The following ZCCHC7 variants were observed in gnomAD, a reference collection of about 807,000 sequenced individuals.
ZCCHC7 encodes zinc finger CCHC domain-containing protein 7.
ZCCHC7 carries 35 observed loss-of-function variants against 52.0 expected under a neutral mutation model. The ratio of observed to expected loss-of-function variants is 0.67; its 90% CI spans 0.51 to 0.89. The LOEUF is 0.89. Among genes scored for constraint, ZCCHC7 ranks in the 40% least tolerant of loss-of-function variants. The pLI is 0.00. For missense variants in ZCCHC7, 574 were observed against 649.1 expected (o/e 0.88, Z 1.26); for synonymous variants, 217 against 221.5 (o/e 0.98, Z 0.18).
At chr9:37,229,637 T>A (rs897213444) in intron 2 of ZCCHC7, among the ~76,000 whole-genome samples, 2 of 152,228 alleles carry the variant, frequency 1.3e-5, no homozygotes, top group Non-Finnish European at 2.9e-5. Flanking sequence ...ATGGAGCTTT[T>A]AGAACCAGAA....
intron 2 of ZCCHC7, among the ~76,000 whole-genome samples, chr9:37,183,318 A>G (rs1428795556): frequency 6.6e-6 from 1 of 152,220 alleles, no homozygotes; most frequent in Non-Finnish European, 1.5e-5. Context: ...ATAAAATATT[A>G]GTTCACCTTT....
At chr9:37,184,821 G>T (rs1275775669) in intron 2 of ZCCHC7, among the ~76,000 whole-genome samples, 10 of 151,904 alleles carry the variant, frequency 6.6e-5, no homozygotes, top group Non-Finnish European at 1.5e-5. Flanking sequence ...TATTTGGAGA[G>T]GTCTATTGTA....
chr9:37,258,757 T>TAA (rs5897683), intron 2 of ZCCHC7, among the ~76,000 whole-genome samples: 2,096 of 55,288 alleles, frequency 0.038, 168 homozygotes, highest in Middle Eastern at 0.05. Context: ...TCCTGTCTCT[T>TAA]AAAAAAAAAA....
intron 6 of ZCCHC7, among the ~76,000 whole-genome samples, chr9:37,328,429 A>G (rs1830333800): frequency 2.0e-5 from 3 of 151,934 alleles, no homozygotes; most frequent in African/African-American, 7.2e-5. Flanking sequence ...ACAGTTTGCT[A>G]GAGAATCTAA....
At chr9:37,170,318 T>G (rs979034345) in intron 2 of ZCCHC7, among the ~76,000 whole-genome samples, 2 of 152,228 alleles carry the variant, frequency 1.3e-5, no homozygotes, top group Non-Finnish European at 2.9e-5. Context: ...AAATTTTTCT[T>G]AATTGAAATT....
chr9:37,272,936 G>A (rs1588588852), intron 2 of ZCCHC7, among the ~76,000 whole-genome samples: 1 of 152,060 alleles, frequency 6.6e-6, no homozygotes. Flanking sequence ...TTAAATTTTT[G>A]GAAGTTTTTT....
chr9:37,200,794 C>T (rs1269588443), intron 2 of ZCCHC7, among the ~76,000 whole-genome samples: 1 of 152,234 alleles, frequency 6.6e-6, no homozygotes, highest in African/African-American at 2.4e-5. Flanking sequence ...CATTGAAAGG[C>T]TCTCTGCTTA....
intron 2 of ZCCHC7, among the ~76,000 whole-genome samples, chr9:37,233,939 C>T (rs879662278): frequency 7.2e-5 from 11 of 152,164 alleles, no homozygotes; most frequent in Non-Finnish European, 1.5e-4. Context: ...CTGCAACTTA[C>T]ACCTCATGGG....
chr9:37,336,721 T>G (rs368334920), intron 6 of ZCCHC7, among the ~76,000 whole-genome samples: 1 of 150,038 alleles, frequency 6.7e-6, no homozygotes, highest in African/African-American at 2.5e-5. Flanking sequence ...TATATTAGTG[T>G]GATTTCTGTG....
In ZCCHC7 at chr9:37,257,037, G is replaced by A. The variant is rs76857632; in HGVS notation, c.611-45151G>A. On this transcript the variant is annotated intron_variant, in intron 2 of 8. Coordinates refer to ENST00000336755, the MANE Select transcript of ZCCHC7 (RefSeq NM_032226.3). ...TTATATATACATGGGAGACACCCAT[G>A]GAATTAGTAGTTTTCAAGGTGGCTT... Among the ~76,000 whole-genome samples, 1,089 of 152,218 alleles carry A rather than the reference G, an allele frequency of 7.2e-3. 12 individuals are homozygous for A. Among genetic ancestry groups the A allele is most frequent in the African/African-American group, 0.024 (1,011 of 41,520 alleles).
At chr9:37,297,513 A>G in intron 2 of ZCCHC7, among the ~76,000 whole-genome samples, 1 of 152,230 alleles carries the variant, frequency 6.6e-6, no homozygotes. Context: ...AGTTCATTGT[A>G]TGCTGAATCA....
intron 2 of ZCCHC7, among the ~76,000 whole-genome samples, chr9:37,172,956 A>G (rs1449869783): frequency 6.6e-6 from 1 of 151,904 alleles, no homozygotes; most frequent in Non-Finnish European, 1.5e-5. Context: ...GACTTTAGTG[A>G]GCAACGTGGG....
chr9:37,169,349 A>C (rs972554056), intron 2 of ZCCHC7, among the ~76,000 whole-genome samples: 2 of 152,206 alleles, frequency 1.3e-5, no homozygotes, highest in Non-Finnish European at 2.9e-5. Context: ...AAATCCACAA[A>C]TATGTTGTTA....
At chr9:37,288,293 A>T (rs534065295) in intron 2 of ZCCHC7, among the ~76,000 whole-genome samples, 103 of 150,954 alleles carry the variant, frequency 6.8e-4, no homozygotes, top group African/African-American at 2.4e-3. Context: ...AAAAAAAAAA[A>T]ATCTATCTAT....
chr9:37,200,285 A>G (rs553258080), intron 2 of ZCCHC7, among the ~76,000 whole-genome samples: 1 of 152,256 alleles, frequency 6.6e-6, no homozygotes, highest in South Asian at 2.1e-4. Context: ...AAATAAAAAC[A>G]AACCCGAAAA....
chr9:37,163,070 G>A (rs1427608435), intron 2 of ZCCHC7, among the ~76,000 whole-genome samples: 3 of 152,010 alleles, frequency 2.0e-5, no homozygotes. Flanking sequence ...GCATGGTAGT[G>A]TGCGCCTGTA....
At chr9:37,272,491 TAAAAAAA>T (rs551495038) in intron 2 of ZCCHC7, among the ~76,000 whole-genome samples, 6 of 97,828 alleles carry the variant, frequency 6.1e-5, no homozygotes, top group South Asian at 3.1e-4. Context: ...AGCTGTGTGG[TAAAAAAA>T]AAAAAAAAAA....
intron 2 of ZCCHC7, among the ~76,000 whole-genome samples, chr9:37,152,800 T>C (rs982228772): frequency 2.0e-5 from 3 of 152,148 alleles, no homozygotes; most frequent in Non-Finnish European, 2.9e-5. Flanking sequence ...TATTCTTTTT[T>C]CCCCCCTTCT....
intron 6 of ZCCHC7, among the ~76,000 whole-genome samples, chr9:37,335,082 A>C (rs1192612819): frequency 6.6e-6 from 1 of 152,134 alleles, no homozygotes; most frequent in Non-Finnish European, 1.5e-5. Flanking sequence ...CATCCATTTT[A>C]CATAGATATG....
Sources: gnomAD v4.1 joint callset for allele counts (sites outside exome capture counted in the v4.1 genomes callset) on GRCh38, gnomAD v4.1.1 for gene constraint, MANE v1.5 for transcripts, NCBI Gene and HGNC (gene_info 2026-07-23, HGNC 2026-07-21) for gene names.